Variants in ALKBH1 observed in about 807,000 individuals in gnomAD.
ALKBH1 encodes alkB homolog 1, histone H2A dioxygenase.
ALKBH1 carries 31 observed loss-of-function variants against 36.6 expected under a neutral mutation model. The observed-to-expected ratio is 0.85, with a 90% CI of 0.64 to 1.14. The LOEUF (loss-of-function observed/expected upper bound fraction) is 1.14. Ranked by LOEUF, ALKBH1 falls within the 50% of genes most tolerant of loss-of-function variation. The pLI is 0.00. For synonymous variants in ALKBH1, 183 were observed against 186.6 expected, an observed-to-expected ratio of 0.98 and a Z score of 0.16; for missense variants, 490 against 497.3, an observed-to-expected ratio of 0.99 and a Z score of 0.14.
At chr14:77,706,572 A>C (rs2080392399) in intron 1 of ALKBH1, among the ~76,000 whole-genome samples, 1 of 152,116 alleles carries the variant, frequency 6.6e-6, no homozygotes, top group Non-Finnish European at 1.5e-5. Context: ...CTAAACACCC[A>C]AGCTTTCATG....
At chr14:77,704,863 C>T (rs2080379713) in intron 1 of ALKBH1, among the ~76,000 whole-genome samples, 1 of 152,150 alleles carries the variant, frequency 6.6e-6, no homozygotes, top group Non-Finnish European at 1.5e-5. Flanking sequence ...AGTAGAGTCA[C>T]CCAAAATTAA....
At chr14:77,682,448 C>T (rs1252986909) in intron 3 of ALKBH1, among the ~76,000 whole-genome samples, 6 of 152,136 alleles carry the variant, frequency 3.9e-5, no homozygotes. Flanking sequence ...CATTCTATTT[C>T]TCTTTCCAAG....
At chr14:77,684,721 AT>A (rs1172458722) in intron 3 of ALKBH1, among the ~76,000 whole-genome samples, 2 of 151,888 alleles carry the variant, frequency 1.3e-5, no homozygotes, top group Non-Finnish European at 2.9e-5. Context: ...CTAATTTTTA[AT>A]TTTTTTGTAG....
chr14:77,707,810 C>G lies in ALKBH1; in HGVS notation c.183+12G>C. 1 of 1,579,692 alleles carries G rather than the reference C, an allele frequency of 6.3e-7. No individual in the cohort carries two copies. Among genetic ancestry groups the G allele is most frequent in the Admixed American group, 1.9e-5 (1 of 53,484 alleles). On this transcript the variant is annotated intron_variant, in intron 1 of 5. Coordinates refer to ENST00000216489, the MANE Select transcript of ALKBH1 (RefSeq NM_006020.3). Reference sequence around the variant, plus strand: ...AGCGATGGAGAGACGCGCGCCACTCCTCTCTCTGTACCTTTTGGGCACCAG... The same window carrying G: ...AGCGATGGAGAGACGCGCGCCACTCGTCTCTCTGTACCTTTTGGGCACCAG...
chr14:77,678,242 A>G (rs1367888160), intron 4 of ALKBH1, among the ~76,000 whole-genome samples: 1 of 152,134 alleles, frequency 6.6e-6, no homozygotes, highest in Non-Finnish European at 1.5e-5. Context: ...CGGAGGAAGG[A>G]TTCAAACTCA....
chr14:77,684,324 G>T (rs10143294), intron 3 of ALKBH1, among the ~76,000 whole-genome samples: 71,400 of 151,880 alleles, frequency 0.47, 17,020 homozygotes, highest in African/African-American at 0.5. Context: ...ACACAATACC[G>T]TCTGTTTCTT....
In ALKBH1 at chr14:77,707,989, C is replaced by G. The variant is rs1401784769; in HGVS notation, c.16G>C (p.Ala6Pro). 5 of 1,610,250 alleles carry G rather than the reference C, an allele frequency of 3.1e-6. No individual in the cohort carries two copies. Among genetic ancestry groups the G allele is most frequent in the Admixed American group, 3.4e-5 (2 of 59,608 alleles). ...AGAGTCGCCACAGAGCCCACGGCCG[C>G]TGCCATCTTCCCCATCTCGCGGCCT... MGKMA[A>P]AVGSVATLAT... The change falls in exon 1 of 6, where the codon GCG (alanine) becomes CCG (proline). Residue 6 changes from alanine (A) to proline (P), a missense_variant. Transcript: ENST00000216489.
intron 3 of ALKBH1, among the ~76,000 whole-genome samples, chr14:77,680,696 T>A (rs1008742383): frequency 6.8e-6 from 1 of 147,418 alleles, no homozygotes; most frequent in Non-Finnish European, 1.5e-5. Flanking sequence ...TTTTTTTTTT[T>A]GAGACAGAGT....
chr14:77,707,904 C>T lies in ALKBH1; in HGVS notation c.101G>A (p.Arg34Gln), dbSNP rs2080405772. Residue 34 changes from arginine (R) to glutamine (Q), a missense_variant, in exon 1 of 6, where the codon CGG (arginine) becomes CAG (glutamine). Transcript: ENST00000216489. ...RKLFRFYRQS[R>Q]PGTADLEGVI... is the part of the protein sequence containing the mutation. Reference sequence around the variant, plus strand: ...CCCTTCCAGGTCTGCGGTCCCGGGCCGGCTCTGACGGTAGAAGCGGAAAAG... The same window carrying T: ...CCCTTCCAGGTCTGCGGTCCCGGGCTGGCTCTGACGGTAGAAGCGGAAAAG... 6.2e-7 allele frequency: 1 copy of T among 1,613,412 alleles called. No homozygotes were observed. The highest frequency in any genetic ancestry group is 8.5e-7 in the Non-Finnish European group (1 of 1,179,992).
At chr14:77,690,269 A>G (rs1283161713) in intron 3 of ALKBH1, among the ~76,000 whole-genome samples, 1 of 152,178 alleles carries the variant, frequency 6.6e-6, no homozygotes, top group South Asian at 2.1e-4. Context: ...ATGAGGTAGG[A>G]ATGGTAGGAA....
Position 77,694,743 on chromosome 14 carries a change from G to A in ALKBH1, c.450C>T (p.Phe150=). 6.3e-7 allele frequency: 1 copy of A among 1,582,636 alleles called. No individual in the cohort carries two copies. Among genetic ancestry groups the A allele is most frequent in the Non-Finnish European group, 8.6e-7 (1 of 1,167,530 alleles). The stretch of plus-strand genomic sequence containing the variant: ...TTCTGATTGACAAGACTTACCTCAG[G>A]AACTCTTTGCTCTGTTCCCACAGAT... ...TQDLWEQSKE[F]LRYKEATKRR... is the part of the protein sequence containing the mutation. Residue 150 remains phenylalanine (F), a synonymous_variant, in exon 3 of 6, where the codon TTC becomes TTT. Transcript: ENST00000216489.
chr14:77,686,091 G>A (rs2080266948), intron 3 of ALKBH1, among the ~76,000 whole-genome samples: 1 of 152,188 alleles, frequency 6.6e-6, no homozygotes. Flanking sequence ...TATGTTGAGA[G>A]CAGGACTGGC....
chr14:77,682,580 G>C (rs1339797582), intron 3 of ALKBH1, among the ~76,000 whole-genome samples: 4 of 152,088 alleles, frequency 2.6e-5, no homozygotes, highest in Non-Finnish European at 5.9e-5. Context: ...TTTGAGGAGG[G>C]GGAAAAGAGA....
At chr14:77,676,325 C>A (rs1369060811) in intron 4 of ALKBH1, among the ~76,000 whole-genome samples, 1 of 152,072 alleles carries the variant, frequency 6.6e-6, no homozygotes, top group Non-Finnish European at 1.5e-5. Flanking sequence ...AATAATGAAT[C>A]ATTCAAAAAC....
At chr14:77,675,400 T>C (rs12882571) in intron 5 of ALKBH1, among the ~76,000 whole-genome samples, 139,863 of 151,876 alleles carry the variant, frequency 0.92, 64,675 homozygotes, top group Non-Finnish European at 0.97. Flanking sequence ...AGCCACTGTA[T>C]TCCAGCCTGG....
In ALKBH1 at chr14:77,676,705, C is replaced by T. The variant is rs546769516; in HGVS notation, c.547-856G>A. 8.5e-5 allele frequency among the ~76,000 whole-genome samples: 13 copies of T among 152,240 alleles called. No homozygotes were observed. In the East Asian group the frequency reaches 1.2e-3, roughly 14 times the overall value. On this transcript the variant is annotated intron_variant, in intron 4 of 5. Coordinates refer to ENST00000216489, the MANE Select transcript of ALKBH1 (RefSeq NM_006020.3). ...AAATGTTAATAATAGGGGGAGAGCACGAGCTCTCTCTGTACTATCTTCTCA... is the reference window on the plus strand; with the variant it reads ...AAATGTTAATAATAGGGGGAGAGCATGAGCTCTCTCTGTACTATCTTCTCA...
intron 2 of ALKBH1, chr14:77,696,578 A>G (rs1173283808): frequency 1.3e-5 from 2 of 152,558 alleles, no homozygotes; most frequent in African/African-American, 4.8e-5. Context: ...GGCTGAGAGC[A>G]TAGGCCTGGC....
At chr14:77,683,084 T>TCAAG in intron 3 of ALKBH1, 1 of 472,266 alleles carries the variant, frequency 2.1e-6, no homozygotes, top group Admixed American at 3.5e-5. Flanking sequence ...ACTCCTTACC[T>TCAAG]CAAGCAATCC....
intron 3 of ALKBH1, chr14:77,683,339 C>G: frequency 1.4e-6 from 1 of 739,444 alleles, no homozygotes; most frequent in Non-Finnish European, 2.5e-6. Context: ...GGTTCTTTTT[C>G]TGATCATTTT....
Sources: gnomAD v4.1 joint callset for allele counts (sites outside exome capture counted in the v4.1 genomes callset) on GRCh38, gnomAD v4.1.1 for gene constraint, MANE v1.5 for transcripts, NCBI Gene and HGNC (gene_info 2026-07-23, HGNC 2026-07-21) for gene names.